PDZRN3: variants seen among roughly 807,000 people sequenced by gnomAD.
PDZRN3 encodes the protein E3 ubiquitin-protein ligase PDZRN3.
In PDZRN3, 38 loss-of-function variants were observed where a neutral mutation model predicts 85.7. The ratio of observed to expected loss-of-function variants is 0.44; its 90% confidence interval spans 0.34 to 0.58. The LOEUF is 0.58. PDZRN3 is among the 20% of genes least tolerant of loss of function. The probability of loss-of-function intolerance (pLI) is 0.01; values close to 1 mark genes in which losing one functional copy is unlikely to be tolerated. For missense variants in PDZRN3, 1,629 were observed against 1,506.4 expected (o/e 1.08, Z -1.35); for synonymous variants, 759 against 638.0 (o/e 1.19, Z -2.86).
chr3:73,475,843 C>T (rs1259038089), intron 3 of PDZRN3, among the ~76,000 whole-genome samples: 3 of 152,158 alleles, frequency 2.0e-5, no homozygotes, highest in East Asian at 1.9e-4. Flanking sequence ...CAAATGCAAG[C>T]GTTTGATACC....
In PDZRN3 at chr3:73,624,541, C is replaced by G; in HGVS notation, c.285G>C (p.Leu95=). The G allele has an allele frequency of 6.7e-7, 1 of 1,502,066 alleles. No individual in the cohort carries two copies. The highest frequency in any genetic ancestry group is 8.8e-7 in the Non-Finnish European group (1 of 1,131,540). 93.0% of individuals were successfully genotyped at this position (1,502,066 alleles called of 1,614,324 possible). Residue 95 remains leucine, a synonymous_variant, in exon 1 of 10, where the codon CTG becomes CTC. Coordinates refer to ENST00000263666, the MANE Select transcript of PDZRN3 (RefSeq NM_015009.3). ...ATRGCGRVVK[L]QQLPEHLERC... is the part of the protein sequence containing the mutation. The stretch of plus-strand genomic sequence containing the variant: ...GCTCGAGGTGCTCCGGCAGCTGCTG[C>G]AGCTTGACCACCCGGCCGCAGCCGC...
intron 3 of PDZRN3, among the ~76,000 whole-genome samples, chr3:73,417,962 A>C (rs1363747189): frequency 6.6e-6 from 1 of 152,240 alleles, no homozygotes; most frequent in African/African-American, 2.4e-5. Flanking sequence ...TGGAAGACAC[A>C]GAAATTGGGA....
chr3:73,477,721 T>A (rs1282468181), intron 3 of PDZRN3, among the ~76,000 whole-genome samples: 2 of 152,194 alleles, frequency 1.3e-5, no homozygotes, highest in Admixed American at 1.3e-4. Context: ...TATCTTTGTG[T>A]ATCAGTCCAT....
intron 3 of PDZRN3, among the ~76,000 whole-genome samples, chr3:73,470,682 G>A (rs1343797056): frequency 1.3e-5 from 2 of 152,204 alleles, no homozygotes; most frequent in Non-Finnish European, 2.9e-5. Flanking sequence ...GACATACAGA[G>A]AAGCCAGCCA....
At chr3:73,405,894 T>A (rs1024286350) in intron 3 of PDZRN3, among the ~76,000 whole-genome samples, 1 of 152,212 alleles carries the variant, frequency 6.6e-6, no homozygotes, top group Admixed American at 6.5e-5. Flanking sequence ...TTTCTCTTTT[T>A]TTCCCCCAAA....
At chr3:73,415,984 CAAAAAAA>C (rs34623609) in intron 3 of PDZRN3, among the ~76,000 whole-genome samples, 3 of 62,322 alleles carry the variant, frequency 4.8e-5, no homozygotes, top group Non-Finnish European at 7.4e-5. Context: ...CTTTCATCAC[CAAAAAAA>C]AAAAAAAAAA....
intron 3 of PDZRN3, among the ~76,000 whole-genome samples, chr3:73,596,060 T>C (rs1406422614): frequency 6.6e-6 from 1 of 152,018 alleles, no homozygotes; most frequent in East Asian, 1.9e-4. Flanking sequence ...GGACAGAAGA[T>C]TAACCTGGAG....
chr3:73,596,382 C>CCAGT (rs1289685980), intron 3 of PDZRN3, among the ~76,000 whole-genome samples: 12 of 152,142 alleles, frequency 7.9e-5, no homozygotes, highest in South Asian at 2.1e-4. Context: ...GATGATAAAA[C>CCAGT]CAGTGTGTGA....
At chr3:73,512,742 G>C (rs1325190634) in intron 3 of PDZRN3, among the ~76,000 whole-genome samples, 1 of 152,150 alleles carries the variant, frequency 6.6e-6, no homozygotes, top group Non-Finnish European at 1.5e-5. Flanking sequence ...CTATAGGATA[G>C]AGTCATACTG....
At chr3:73,505,757 T>A (rs9816901) in intron 3 of PDZRN3, among the ~76,000 whole-genome samples, 2,557 of 152,190 alleles carry the variant, frequency 0.017, 63 homozygotes, top group African/African-American at 0.058. Context: ...ATTTGATATG[T>A]CCTCTTGTTT....
At chr3:73,514,346 G>A (rs1211396733) in intron 3 of PDZRN3, among the ~76,000 whole-genome samples, 2 of 152,184 alleles carry the variant, frequency 1.3e-5, no homozygotes, top group African/African-American at 4.8e-5. Flanking sequence ...GGACTATAAT[G>A]TGTAATCTGT....
intron 2 of PDZRN3, among the ~76,000 whole-genome samples, chr3:73,608,035 T>C (rs1575761738): frequency 6.6e-6 from 1 of 152,302 alleles, no homozygotes; most frequent in Non-Finnish European, 1.5e-5. Flanking sequence ...TCTTTGAACA[T>C]TTTCCCCATA....
At chr3:73,493,925 C>T (rs1009317442) in intron 3 of PDZRN3, among the ~76,000 whole-genome samples, 3 of 152,262 alleles carry the variant, frequency 2.0e-5, no homozygotes, top group Admixed American at 6.5e-5. Flanking sequence ...GAAGAACGTG[C>T]CCCAAAACCA....
At chr3:73,566,432 A>G (rs1575741642) in intron 3 of PDZRN3, among the ~76,000 whole-genome samples, 5 of 152,368 alleles carry the variant, frequency 3.3e-5, no homozygotes, top group African/African-American at 1.2e-4. Flanking sequence ...GAAGGAAAAT[A>G]TGAATTTATG....
chr3:73,519,279 C>T (rs1208294458), intron 3 of PDZRN3, among the ~76,000 whole-genome samples: 1 of 152,118 alleles, frequency 6.6e-6, no homozygotes, highest in Non-Finnish European at 1.5e-5. Flanking sequence ...GAGCATACAG[C>T]TGAATGAAAA....
intron 5 of PDZRN3, among the ~76,000 whole-genome samples, chr3:73,392,767 CT>C (rs1327019397): frequency 1.3e-5 from 2 of 152,134 alleles, no homozygotes; most frequent in Admixed American, 1.3e-4. Flanking sequence ...AATTATAGCT[CT>C]AGCAATATGG....
chr3:73,591,186 A>C (rs1702351988), intron 3 of PDZRN3, among the ~76,000 whole-genome samples: 1 of 152,228 alleles, frequency 6.6e-6, no homozygotes, highest in Admixed American at 6.5e-5. Flanking sequence ...ATTTTTGCTA[A>C]AGAAAGATGA....
At chr3:73,386,378 G>A (rs573928035) in intron 8 of PDZRN3, among the ~76,000 whole-genome samples, 5 of 152,100 alleles carry the variant, frequency 3.3e-5, no homozygotes, top group East Asian at 1.9e-4. Context: ...GGTATTTTTA[G>A]TAGAGATTGG....
intron 3 of PDZRN3, among the ~76,000 whole-genome samples, chr3:73,595,869 G>A (rs1702423952): frequency 6.6e-6 from 1 of 152,242 alleles, no homozygotes; most frequent in African/African-American, 2.4e-5. Flanking sequence ...TGGTACATGT[G>A]TACATGTGTT....
Sources: gnomAD v4.1 joint callset for allele counts (sites outside exome capture counted in the v4.1 genomes callset) on GRCh38, gnomAD v4.1.1 for gene constraint, MANE v1.5 for transcripts, NCBI Gene and HGNC (gene_info 2026-07-23, HGNC 2026-07-21) for gene names.